Variants in CLDN10 observed in about 807,000 individuals in gnomAD.
The protein encoded by CLDN10 is claudin 10, also known as claudin-10.
CLDN10 carries 15 observed loss-of-function variants against 22.9 expected under a neutral mutation model. That is an observed-to-expected ratio of 0.65 (90% CI 0.44 to 1.01). The LOEUF is 1.01. Among genes scored for constraint, CLDN10 ranks in the 50% least tolerant of loss-of-function variants. The pLI is 0.00. For missense variants in CLDN10, 247 were observed against 287.8 expected (o/e 0.86, Z 1.03); for synonymous variants, 114 against 111.4 (o/e 1.02, Z -0.15).
intron 1 of CLDN10, among the ~76,000 whole-genome samples, chr13:95,451,106 A>G (rs540048680): frequency 6.6e-6 from 1 of 152,348 alleles, no homozygotes; most frequent in East Asian, 1.9e-4. Context: ...TGCAAATGTG[A>G]GACTGTATAA....
At chr13:95,502,168 G>GA (rs11430690) in intron 1 of CLDN10, among the ~76,000 whole-genome samples, 20,938 of 152,142 alleles carry the variant, frequency 0.14, 1,713 homozygotes, top group African/African-American at 0.22. Flanking sequence ...TTAAAGGTGA[G>GA]AAAAAGAAGT....
intron 1 of CLDN10, among the ~76,000 whole-genome samples, chr13:95,461,296 A>T (rs2042534619): frequency 6.6e-6 from 1 of 152,168 alleles, no homozygotes; most frequent in South Asian, 2.1e-4. Context: ...GAGCTCAGCT[A>T]GAACACTCTA....
chr13:95,448,100 C>T (rs2042398100), intron 1 of CLDN10, among the ~76,000 whole-genome samples: 1 of 152,156 alleles, frequency 6.6e-6, no homozygotes, highest in Admixed American at 6.6e-5. Context: ...AGACTGCCCA[C>T]ACCACACAGG....
chr13:95,450,075 A>G (rs1190314270), intron 1 of CLDN10, among the ~76,000 whole-genome samples: 2 of 152,046 alleles, frequency 1.3e-5, no homozygotes, highest in African/African-American at 4.8e-5. Flanking sequence ...GGTTCTCCCT[A>G]TGTTGCCCAG....
At chr13:95,475,794 C>CTCTCTCTG (rs1566289377) in intron 1 of CLDN10, among the ~76,000 whole-genome samples, 7 of 151,276 alleles carry the variant, frequency 4.6e-5, no homozygotes, top group Non-Finnish European at 7.4e-5. Flanking sequence ...GCATCTCTCT[C>CTCTCTCTG]TCTCTCTCTG....
chr13:95,576,146 G>C (rs1042165765), intron 3 of CLDN10, among the ~76,000 whole-genome samples: 7 of 152,122 alleles, frequency 4.6e-5, no homozygotes, highest in African/African-American at 1.7e-4. Flanking sequence ...GCAGCACTGG[G>C]TGGCCTTGAT....
intron 1 of CLDN10, among the ~76,000 whole-genome samples, chr13:95,496,130 A>C (rs893181491): frequency 1.3e-5 from 2 of 152,176 alleles, no homozygotes; most frequent in Admixed American, 1.3e-4. Flanking sequence ...CTGTGTCTGC[A>C]TTCTTCTCTC....
chr13:95,496,762 G>A (rs1285166437), intron 1 of CLDN10, among the ~76,000 whole-genome samples: 1 of 152,166 alleles, frequency 6.6e-6, no homozygotes, highest in Non-Finnish European at 1.5e-5. Context: ...ATTATTTCCT[G>A]AAGACTCCAC....
At chr13:95,495,043 A>ATTAAT (rs747605780) in intron 1 of CLDN10, among the ~76,000 whole-genome samples, 42 of 146,166 alleles carry the variant, frequency 2.9e-4, no homozygotes, top group Admixed American at 8.2e-4. Flanking sequence ...TAATTAATTA[A>ATTAAT]TTTTTTTTTT....
chr13:95,471,093 T>C (rs968590284), intron 1 of CLDN10, among the ~76,000 whole-genome samples: 1 of 151,984 alleles, frequency 6.6e-6, no homozygotes, highest in Admixed American at 6.6e-5. Context: ...TCACAGAGGA[T>C]TAGAAGCCAC....
chr13:95,483,578 G>A (rs6492795), intron 1 of CLDN10, among the ~76,000 whole-genome samples: 4 of 151,460 alleles, frequency 2.6e-5, no homozygotes, highest in Admixed American at 2.6e-4. Context: ...TCATGAAGGC[G>A]TGCCTGTGGG....
At chr13:95,577,413 C>T in intron 4 of CLDN10, 75 bp downstream of exon 4, 1 of 944,476 alleles carries the variant, frequency 1.1e-6, no homozygotes, top group Non-Finnish European at 1.7e-6. Flanking sequence ...GAACAAATTA[C>T]AGATAGTTCA....
intron 1 of CLDN10, among the ~76,000 whole-genome samples, chr13:95,501,894 T>A (rs750566223): frequency 9.9e-5 from 15 of 152,242 alleles, no homozygotes; most frequent in Non-Finnish European, 2.2e-4. Context: ...GTTTATTGAA[T>A]AATTGTTAAT....
chr13:95,481,672 A>G (rs1338107359), intron 1 of CLDN10, among the ~76,000 whole-genome samples: 1 of 152,202 alleles, frequency 6.6e-6, no homozygotes, highest in East Asian at 1.9e-4. Flanking sequence ...AATTTCAGAT[A>G]ATCTTCCTAT....
At chr13:95,467,811 G>A (rs894915641) in intron 1 of CLDN10, among the ~76,000 whole-genome samples, 1 of 152,154 alleles carries the variant, frequency 6.6e-6, no homozygotes, top group African/African-American at 2.4e-5. Context: ...CTGATGGTGT[G>A]GTTCAGTCCA....
At chr13:95,462,727 C>A (rs192848651) in intron 1 of CLDN10, among the ~76,000 whole-genome samples, 5 of 152,038 alleles carry the variant, frequency 3.3e-5, no homozygotes, top group African/African-American at 4.8e-5. Context: ...CCAAGTTCCA[C>A]CTCATTCTAA....
chr13:95,541,021 C>T (rs77238246), intron 1 of CLDN10, among the ~76,000 whole-genome samples: 2,972 of 152,334 alleles, frequency 0.02, 32 homozygotes, highest in Non-Finnish European at 0.031. Context: ...GGCCACGTGG[C>T]CCAGTGGCCC....
At chr13:95,577,826 C>CAAACAAAAATGGGAA in intron 4 of CLDN10, 74 bp from the exon 5 acceptor site, 2 of 885,482 alleles carry the variant, frequency 2.3e-6, no homozygotes, top group East Asian at 5.0e-5. Flanking sequence ...AGAGACAGGC[C>CAAACAAAAATGGGAA]GAAACAGTTT....
chr13:95,505,749 C>CTTTTTTTTTT (rs34828390), intron 1 of CLDN10, among the ~76,000 whole-genome samples: 2 of 103,736 alleles, frequency 1.9e-5, no homozygotes, highest in Non-Finnish European at 3.8e-5. Context: ...CCTTCCCTTT[C>CTTTTTTTTTT]TTTTTTTTTT....
Sources: gnomAD v4.1 joint callset for allele counts (sites outside exome capture counted in the v4.1 genomes callset) on GRCh38, gnomAD v4.1.1 for gene constraint, MANE v1.5 for transcripts, NCBI Gene and HGNC (gene_info 2026-07-23, HGNC 2026-07-21) for gene names.